Variants in DDX10 observed in about 807,000 individuals in gnomAD.
The protein encoded by DDX10 is DEAD-box helicase 10, also known as probable ATP-dependent RNA helicase DDX10.
A neutral mutation model predicts 104.3 loss-of-function variants in DDX10; 74 were observed. The ratio of observed to expected loss-of-function variants is 0.71; its 90% CI spans 0.59 to 0.86. The LOEUF (loss-of-function observed/expected upper bound fraction) is 0.86. Among genes scored for constraint, DDX10 ranks in the 40% least tolerant of loss-of-function variants. The probability of loss-of-function intolerance (pLI) is 0.00; values close to 1 mark genes in which losing one functional copy is unlikely to be tolerated. For synonymous variants in DDX10, 351 were observed against 353.4 expected, an observed-to-expected ratio of 0.99 and a Z score of 0.08; for missense variants, 952 against 1,040.0, an observed-to-expected ratio of 0.92 and a Z score of 1.16.
intron 1 of DDX10, among the ~76,000 whole-genome samples, chr11:108,672,273 G>T (rs183931888): frequency 1.3e-5 from 2 of 152,004 alleles, no homozygotes; most frequent in African/African-American, 4.8e-5. Flanking sequence ...GAGTGTGTTG[G>T]CAGCCTGCCT....
At chr11:108,744,958 CCAAT>C (rs1203676626) in intron 13 of DDX10, among the ~76,000 whole-genome samples, 2 of 151,574 alleles carry the variant, frequency 1.3e-5, no homozygotes, top group African/African-American at 4.8e-5. Flanking sequence ...TGTGTTGTGG[CCAAT>C]CAATTTTGGA....
intron 5 of DDX10, 117 bp downstream of exon 5, chr11:108,678,552 CTT>C: frequency 8.9e-7 from 1 of 1,127,370 alleles, no homozygotes; most frequent in Non-Finnish European, 1.2e-6. Flanking sequence ...TCAAAACAAA[CTT>C]AAAAATTACT....
chr11:108,925,527 C>T (rs560240336), intron 17 of DDX10, among the ~76,000 whole-genome samples: 44 of 152,234 alleles, frequency 2.9e-4, no homozygotes, highest in African/African-American at 9.6e-4. Context: ...CTGAAAAGAC[C>T]TTTGTGAGTG....
chr11:108,719,616 T>C (rs1054667138), intron 11 of DDX10, among the ~76,000 whole-genome samples, 181 bp from the exon 12 acceptor site: 1 of 152,208 alleles, frequency 6.6e-6, no homozygotes, highest in African/African-American at 2.4e-5. Context: ...GCAAAGTTTT[T>C]TTCTAATATT....
chr11:108,819,536 C>T (rs1862298247), intron 13 of DDX10, among the ~76,000 whole-genome samples: 1 of 152,066 alleles, frequency 6.6e-6, no homozygotes, highest in Non-Finnish European at 1.5e-5. Flanking sequence ...CCCAGTACAA[C>T]ATGTTTTATT....
intron 13 of DDX10, among the ~76,000 whole-genome samples, chr11:108,755,897 C>T (rs2094343873): frequency 6.6e-6 from 1 of 151,924 alleles, no homozygotes. Flanking sequence ...AACAGATGCT[C>T]AACAATTAAA....
intron 13 of DDX10, among the ~76,000 whole-genome samples, chr11:108,807,267 C>G (rs918741869): frequency 6.6e-6 from 1 of 151,996 alleles, no homozygotes; most frequent in Non-Finnish European, 1.5e-5. Flanking sequence ...AAAAGGTTGG[C>G]TGGGGGCAAA....
intron 16 of DDX10, among the ~76,000 whole-genome samples, chr11:108,902,669 C>T (rs1019434397): frequency 1.5e-4 from 23 of 151,960 alleles, no homozygotes; most frequent in African/African-American, 2.4e-4. Flanking sequence ...TCTCTGGCAA[C>T]GATGGGATTT....
At chr11:108,680,925 T>C (rs2134442420) in intron 6 of DDX10, among the ~76,000 whole-genome samples, 1 of 152,316 alleles carries the variant, frequency 6.6e-6, no homozygotes, top group East Asian at 1.9e-4. Flanking sequence ...GGGAATGGAA[T>C]AGTAAGATAT....
intron 16 of DDX10, among the ~76,000 whole-genome samples, chr11:108,897,037 G>T (rs1863451062): frequency 6.6e-6 from 1 of 151,918 alleles, no homozygotes. Flanking sequence ...CACTTTAGCT[G>T]AGAGAAACAG....
intron 14 of DDX10, 65 bp from the exon 15 acceptor site, chr11:108,841,250 A>G (rs1001408648): frequency 7.9e-6 from 11 of 1,390,606 alleles, no homozygotes; most frequent in Non-Finnish European, 5.0e-6. Context: ...TCATCAGACA[A>G]AATGAAGTGT....
intron 15 of DDX10, among the ~76,000 whole-genome samples, chr11:108,847,015 T>C: frequency 6.6e-6 from 1 of 152,230 alleles, no homozygotes. Flanking sequence ...TAAGCACCGC[T>C]TTCTTATGAG....
At chr11:108,735,959 C>T (rs896744725) in intron 13 of DDX10, among the ~76,000 whole-genome samples, 2 of 152,090 alleles carry the variant, frequency 1.3e-5, no homozygotes, top group Non-Finnish European at 2.9e-5. Context: ...TATAAACTTA[C>T]TTATAAAATA....
At chr11:108,708,461 G>C (rs1426239722) in intron 10 of DDX10, among the ~76,000 whole-genome samples, 1 of 148,686 alleles carries the variant, frequency 6.7e-6, no homozygotes, top group Non-Finnish European at 1.5e-5. Flanking sequence ...CTAATATTTT[G>C]TTAGATTTAT....
intron 17 of DDX10, among the ~76,000 whole-genome samples, chr11:108,939,916 G>A (rs1864084585): frequency 6.6e-6 from 1 of 152,192 alleles, no homozygotes; most frequent in Non-Finnish European, 1.5e-5. Flanking sequence ...GTAGTTTGGT[G>A]TGGCAGGACA....
At chr11:108,889,338 T>G (rs1179977044) in intron 16 of DDX10, among the ~76,000 whole-genome samples, 4 of 152,158 alleles carry the variant, frequency 2.6e-5, no homozygotes, top group African/African-American at 9.6e-5. Flanking sequence ...GTACTGTCAC[T>G]GTATAAAACT....
chr11:108,918,799 A>T (rs563403909), intron 17 of DDX10: 2 of 152,240 alleles, frequency 1.3e-5, no homozygotes, highest in African/African-American at 4.8e-5. Context: ...TTTTCAGAGT[A>T]CTATGTATTA....
At chr11:108,669,541 C>A (rs1341914632) in intron 1 of DDX10, among the ~76,000 whole-genome samples, 1 of 152,108 alleles carries the variant, frequency 6.6e-6, no homozygotes, top group Non-Finnish European at 1.5e-5. Context: ...TGGATGCATT[C>A]CTGAGTTGGC....
At chr11:108,697,284 T>G (rs891084607) in intron 9 of DDX10, among the ~76,000 whole-genome samples, 20 of 151,306 alleles carry the variant, frequency 1.3e-4, no homozygotes, top group African/African-American at 3.6e-4. Flanking sequence ...TAAAGATAAT[T>G]AGAAAGTTTT....
Sources: allele counts gnomAD v4.1 joint callset (sites outside exome capture counted in the v4.1 genomes callset), GRCh38; gene constraint gnomAD v4.1.1; transcripts MANE v1.5; gene names NCBI Gene and HGNC (gene_info 2026-07-23, HGNC 2026-07-21).